Variants in HDDC2 observed in about 807,000 individuals in gnomAD.
HDDC2 encodes 5'-deoxynucleotidase HDDC2.
Under a neutral mutation model 25.5 loss-of-function variants are expected in HDDC2, and 25 were observed. That is an observed-to-expected ratio of 0.98 (90% CI 0.72 to 1.37). The LOEUF (loss-of-function observed/expected upper bound fraction) is 1.37. Ranked by LOEUF, HDDC2 falls within the 40% of genes most tolerant of loss-of-function variation. The pLI, the probability that HDDC2 is intolerant of heterozygous loss-of-function variation, is 0.00. For synonymous variants in HDDC2, 106 were observed against 89.7 expected (o/e 1.18, Z -1.03); for missense variants, 264 against 253.1 (o/e 1.04, Z -0.29).
intron 4 of HDDC2, among the ~76,000 whole-genome samples, chr6:125,291,568 T>C (rs1277437124): frequency 6.6e-6 from 1 of 152,200 alleles, no homozygotes; most frequent in Non-Finnish European, 1.5e-5. Context: ...TAAGATTTGC[T>C]GCCTAATGAG....
chr6:125,299,398 T>C (rs967989761), intron 2 of HDDC2, among the ~76,000 whole-genome samples: 1 of 152,014 alleles, frequency 6.6e-6, no homozygotes, highest in Non-Finnish European at 1.5e-5. Context: ...AAAAACGAGA[T>C]TACATTTGAC....
chr6:125,298,378 A>G (rs1210038093), intron 3 of HDDC2, among the ~76,000 whole-genome samples: 1 of 152,264 alleles, frequency 6.6e-6, no homozygotes, highest in Non-Finnish European at 1.5e-5. Flanking sequence ...CTTCTGGAAG[A>G]TAAGGCTGTA....
At position 125,298,532 on chromosome 6, in the gene HDDC2, T is replaced by C. The variant is rs572857046; in HGVS notation, c.309+182A>G. On this transcript the variant is annotated intron_variant, in intron 3 of 5. Coordinates refer to ENST00000398153, the MANE Select transcript of HDDC2 (RefSeq NM_016063.3). The stretch of plus-strand genomic sequence containing the variant: ...GCCTAACTTGTCAGATCCATCTTAA[T>C]ATTCTCCAGCCCAGGCCCTGAATCT... 7.8e-5 allele frequency: 47 copies of C among 604,286 alleles called. 1 individual carries two copies. In the East Asian group the frequency reaches 8.5e-4, roughly 11 times the overall value. The allele number at this position is 604,286 out of a possible 1,614,324, so 37.4% of individuals were successfully genotyped here.
intron 3 of HDDC2, among the ~76,000 whole-genome samples, chr6:125,296,115 A>C (rs145890191): frequency 4.9e-4 from 66 of 133,942 alleles, no homozygotes; most frequent in African/African-American, 1.6e-3. Context: ...ACCATAGATA[A>C]AAAAAAAAAT....
intron 3 of HDDC2, 166 bp downstream of exon 3, chr6:125,298,548 C>A (rs535494205): frequency 4.9e-6 from 3 of 618,088 alleles, no homozygotes; most frequent in Admixed American, 2.7e-5. Flanking sequence ...CCAGCCCAGG[C>A]CCTGAATCTC....
Position 125,275,882 on chromosome 6 carries a change from T to C in HDDC2, c.*264A>G. ...TAAATCTCCAATAAATATTCTAATA[T>C]TTTAGGTGTTTAATATTTATTTATT... On this transcript the variant is annotated 3_prime_UTR_variant, in exon 6 of 6. Transcript: ENST00000398153. 2 of 406,390 alleles carry C rather than the reference T, an allele frequency of 4.9e-6. No individual in the cohort carries two copies. The highest frequency in any genetic ancestry group is 8.2e-5 in the East Asian group (2 of 24,344). 25.2% of individuals were successfully genotyped at this position (406,390 alleles called of 1,614,324 possible). A position where few individuals can be genotyped will look rare whatever the true frequency, so the allele number is the denominator to read the frequency against.
Position 125,281,810 on chromosome 6 carries a change from G to T in HDDC2, c.379-4570C>A, listed in dbSNP as rs915370155. Among the ~76,000 whole-genome samples, 3 of 152,274 alleles carry T rather than the reference G, an allele frequency of 2.0e-5. No individual in the cohort carries two copies. The East Asian group carries it at 5.8e-4, about 29-fold the overall frequency. ...TATCCAGGAGAACTTCCCCAACCTAGCAAGATAGGCCAGCATTCAAATTCA... is the reference window on the plus strand; with the variant it reads ...TATCCAGGAGAACTTCCCCAACCTATCAAGATAGGCCAGCATTCAAATTCA... On this transcript the variant is annotated intron_variant, in intron 4 of 5. Coordinates refer to ENST00000398153, the MANE Select transcript of HDDC2 (RefSeq NM_016063.3).
chr6:125,296,851 C>G (rs1052216871), intron 3 of HDDC2, among the ~76,000 whole-genome samples: 1 of 152,184 alleles, frequency 6.6e-6, no homozygotes, highest in Non-Finnish European at 1.5e-5. Context: ...GGACTCAGCT[C>G]TTGTAGGGAC....
Position 125,301,866 on chromosome 6 carries a change from G to A in HDDC2, c.67C>T (p.Leu23=). Residue 23 remains leucine (L), a synonymous_variant, in exon 1 of 6, where the codon CTG becomes TTG. Coordinates refer to ENST00000398153, the MANE Select transcript of HDDC2 (RefSeq NM_016063.3). ...GARSLLQFLR[L]VGQLKRVPRT... ...CCGCTCACCTTGAGCTGCCCTACCAGCCGCAGGAACTGCAGTAGGGACCGA... is the reference window on the plus strand; with the variant it reads ...CCGCTCACCTTGAGCTGCCCTACCAACCGCAGGAACTGCAGTAGGGACCGA... 4 of 1,547,618 alleles carry A rather than the reference G, an allele frequency of 2.6e-6. No homozygotes were observed. The highest frequency in any genetic ancestry group is 3.5e-6 in the Non-Finnish European group (4 of 1,147,828).
intron 3 of HDDC2, among the ~76,000 whole-genome samples, chr6:125,295,941 A>T (rs1798700362): frequency 6.6e-6 from 1 of 152,136 alleles, no homozygotes; most frequent in South Asian, 2.1e-4. Context: ...ATGAGGCCAG[A>T]CTACAAGTAT....
At chr6:125,293,514 C>A (rs1485079884) in intron 3 of HDDC2, among the ~76,000 whole-genome samples, 1 of 152,170 alleles carries the variant, frequency 6.6e-6, no homozygotes, top group Non-Finnish European at 1.5e-5. Context: ...GCTAAACCAT[C>A]CATGTAGTAT....
chr6:125,276,197 C>G lies in HDDC2; in HGVS notation c.564G>C (p.Glu188Asp). 1 of 1,614,126 alleles carries G rather than the reference C, an allele frequency of 6.2e-7. No homozygotes were observed. The highest frequency in any genetic ancestry group is 8.5e-7 in the Non-Finnish European group (1 of 1,180,012). The stretch of plus-strand genomic sequence containing the variant: ...CAGCTATGTTAGTGCTTCTTTCTGC[C>G]TCAAGTTCAGAAACAAGCTGGACTA... ...PEIVQLVSEL[E>D]AERSTNIAAA... The change falls in exon 6 of 6, where the codon GAG becomes GAC. Residue 188 changes from glutamate (E) to aspartate (D), a missense_variant. By Grantham distance (45) the Glu-to-Asp change is conservative. Transcript: ENST00000398153.
At chr6:125,289,991 T>C (rs1024131210) in intron 4 of HDDC2, among the ~76,000 whole-genome samples, 1 of 152,236 alleles carries the variant, frequency 6.6e-6, no homozygotes, top group Non-Finnish European at 1.5e-5. Flanking sequence ...TCACTTTTTA[T>C]GATAAAAGAT....
intron 4 of HDDC2, among the ~76,000 whole-genome samples, chr6:125,286,235 G>A (rs1008981672): frequency 2.6e-5 from 4 of 152,154 alleles, no homozygotes; most frequent in African/African-American, 9.7e-5. Flanking sequence ...TAACTATATG[G>A]TTACTTGTAG....
In HDDC2 at chr6:125,277,348, T is replaced by C. The variant is rs527742405; in HGVS notation, c.379-108A>G. On this transcript the variant is annotated intron_variant, in intron 4 of 5. Transcript: ENST00000398153. ...ATCAGAGTGACAGCTACAAGTACAT[T>C]CTGTATCGGCCCCATTTCTCTACTG... 17 of 1,017,858 alleles carry C rather than the reference T, an allele frequency of 1.7e-5. No individual in the cohort carries two copies. In the African/African-American group the frequency reaches 1.9e-4, roughly 11 times the overall value. 63.1% of individuals were successfully genotyped at this position (1,017,858 alleles called of 1,614,324 possible).
At chr6:125,297,621 CCA>C (rs1481950819) in intron 3 of HDDC2, 11 of 401,308 alleles carry the variant, frequency 2.7e-5, no homozygotes, top group Non-Finnish European at 4.8e-5. Context: ...CCCACAAGCT[CCA>C]GTCTCCCCAG....
At chr6:125,288,753 G>C (rs973279276) in intron 4 of HDDC2, among the ~76,000 whole-genome samples, 13 of 139,514 alleles carry the variant, frequency 9.3e-5, no homozygotes, top group Non-Finnish European at 2.0e-4. Flanking sequence ...CTGGCCATCA[G>C]AGAAATGCAA....
chr6:125,278,909 T>C (rs191837524), intron 4 of HDDC2: 39 of 152,300 alleles, frequency 2.6e-4, no homozygotes, highest in African/African-American at 9.4e-4. Flanking sequence ...GTTTCTGGTT[T>C]GAGTAACTAG....
chr6:125,276,987 C>T, intron 5 of HDDC2, 115 bp downstream of exon 5: 1 of 988,242 alleles, frequency 1.0e-6, no homozygotes, highest in Non-Finnish European at 1.5e-6. Context: ...TTAGATGCTC[C>T]ACATGAAAGG....
Sources: gnomAD v4.1 joint callset for allele counts (sites outside exome capture counted in the v4.1 genomes callset) on GRCh38, gnomAD v4.1.1 for gene constraint, MANE v1.5 for transcripts, NCBI Gene and HGNC (gene_info 2026-07-23, HGNC 2026-07-21) for gene names.